The following NUMB variants were observed in gnomAD, a reference collection of about 807,000 sequenced individuals.
NUMB encodes the protein protein numb homolog.
In NUMB, 29 loss-of-function variants were observed where a neutral mutation model predicts 59.7. That is an observed-to-expected ratio of 0.49 (90% CI 0.36 to 0.66). NUMB has a LOEUF of 0.66. Among genes scored for constraint, NUMB ranks in the 30% least tolerant of loss-of-function variants. NUMB has a pLI of 0.00. For missense variants in NUMB, 723 were observed against 822.0 expected (o/e 0.88, Z 1.47); for synonymous variants, 288 against 288.2 (o/e 1.00, Z 0.01).
chr14:73,276,700 G>T lies in NUMB; in HGVS notation c.1834C>A (p.Pro612Thr). The change falls in exon 13 of 13, where the codon CCA (proline) becomes ACA (threonine). Residue 612 changes from proline to threonine, a missense_variant. Physicochemically the swap from Pro to Thr is conservative, Grantham distance 38. This residue lies in a region of NUMB where 406 missense variants were observed against 385.4 expected (regional missense o/e 1.05). Transcript: ENST00000555238. Reference sequence around the variant, plus strand: ...CACTGGGCTTCAAAAGGATCCACTGGGCAGGTGCCTGTAGGAACCTCTGTA... The same window carrying T: ...CACTGGGCTTCAAAAGGATCCACTGTGCAGGTGCCTGTAGGAACCTCTGTA... ...RHTEVPTGTC[P>T]VDPFEAQWAA... 6.2e-7 allele frequency: 1 copy of T among 1,614,158 alleles called. No individual in the cohort carries two copies. Among genetic ancestry groups the T allele is most frequent in the South Asian group, 1.1e-5 (1 of 91,082 alleles).
At chr14:73,430,545 G>C (rs1399651056) in intron 1 of NUMB, among the ~76,000 whole-genome samples, 1 of 151,966 alleles carries the variant, frequency 6.6e-6, no homozygotes, top group African/African-American at 2.4e-5. Flanking sequence ...GAGGTGGAAG[G>C]ATCACTTGAG....
At chr14:73,292,896 G>C (rs1370568829) in intron 7 of NUMB, 22 bp from the exon 8 acceptor site, 1 of 1,612,822 alleles carries the variant, frequency 6.2e-7, no homozygotes, top group South Asian at 1.1e-5. Flanking sequence ...GACACACAAA[G>C]AAAGAGAAGA....
At chr14:73,347,722 C>A (rs1345131517) in intron 4 of NUMB, among the ~76,000 whole-genome samples, 4 of 152,194 alleles carry the variant, frequency 2.6e-5, no homozygotes, top group Non-Finnish European at 1.5e-5. Flanking sequence ...GGTTTCCCTT[C>A]GATCTCTTTG....
In NUMB at chr14:73,292,827, T is replaced by C. The variant is rs1889482983; in HGVS notation, c.357A>G (p.Pro119=). The part of the protein sequence containing the change: ...QTIEKVSFCA[P]DRNFDRAFSY... Reference sequence around the variant, plus strand: ...AAAAGGCTCTATCAAAGTTCCTGTCTGGGGCACAGAAAGAAACTTTCTCTA... The same window carrying C: ...AAAAGGCTCTATCAAAGTTCCTGTCCGGGGCACAGAAAGAAACTTTCTCTA... The change falls in exon 8 of 13, where the codon CCA becomes CCG. Residue 119 remains proline (P), a synonymous_variant. Transcript: ENST00000555238. 6.2e-7 allele frequency: 1 copy of C among 1,614,230 alleles called. No homozygotes were observed. The highest frequency in any genetic ancestry group is 8.5e-7 in the Non-Finnish European group (1 of 1,180,032).
chr14:73,372,124 T>C (rs1035337570), intron 2 of NUMB, among the ~76,000 whole-genome samples: 30 of 149,006 alleles, frequency 2.0e-4, no homozygotes, highest in Admixed American at 6.6e-4. Context: ...TCTCAACTAC[T>C]TGGGAAGCTG....
At chr14:73,371,978 T>C (rs1894694359) in intron 2 of NUMB, among the ~76,000 whole-genome samples, 1 of 151,996 alleles carries the variant, frequency 6.6e-6, no homozygotes, top group Non-Finnish European at 1.5e-5. Context: ...ACGTCTGTAA[T>C]CCCAGGACTT....
intron 2 of NUMB, among the ~76,000 whole-genome samples, chr14:73,377,192 T>C (rs1234169731): frequency 2.0e-5 from 3 of 152,168 alleles, no homozygotes; most frequent in African/African-American, 7.2e-5. Context: ...TTTTAAAATA[T>C]ACACCAAAGG....
At position 73,438,327 on chromosome 14, in the gene NUMB, C is replaced by T. The variant is rs558628941; in HGVS notation, c.-233+20166G>A. Reference sequence around the variant, plus strand: ...ATATATCCATTAGTGGAATATTCTTCAGCTGTTTTAAAATGTTTTCTGGCT... The same window carrying T: ...ATATATCCATTAGTGGAATATTCTTTAGCTGTTTTAAAATGTTTTCTGGCT... On this transcript the variant is annotated intron_variant, in intron 1 of 12. Transcript: ENST00000555238. Among the ~76,000 whole-genome samples, 7 of 152,194 alleles carry T rather than the reference C, an allele frequency of 4.6e-5. No homozygotes were observed. The East Asian group carries it at 7.7e-4, about 17-fold the overall frequency.
chr14:73,398,386 C>G (rs996333544), intron 2 of NUMB, among the ~76,000 whole-genome samples: 1 of 73,938 alleles, frequency 1.4e-5, no homozygotes. Flanking sequence ...GAGAGAGAGA[C>G]ACACACAGAG....
At chr14:73,430,475 G>GT (rs1304273869) in intron 1 of NUMB, among the ~76,000 whole-genome samples, 1 of 151,874 alleles carries the variant, frequency 6.6e-6, no homozygotes, top group East Asian at 1.9e-4. Context: ...TATAAAAAAG[G>GT]TTTTTTTAAT....
intron 8 of NUMB, among the ~76,000 whole-genome samples, chr14:73,292,346 A>G (rs543089724): frequency 6.6e-6 from 1 of 152,346 alleles, no homozygotes; most frequent in African/African-American, 2.4e-5. Flanking sequence ...AGGCCCAGCC[A>G]ACTTCTTTCA....
intron 1 of NUMB, among the ~76,000 whole-genome samples, chr14:73,414,644 C>T (rs1488213170): frequency 6.6e-6 from 1 of 152,306 alleles, no homozygotes; most frequent in East Asian, 1.9e-4. Context: ...TTCTCAGCCT[C>T]CCAATTTGCT....
At chr14:73,345,969 C>A (rs1284877224) in intron 4 of NUMB, among the ~76,000 whole-genome samples, 2 of 151,988 alleles carry the variant, frequency 1.3e-5, no homozygotes, top group Non-Finnish European at 2.9e-5. Flanking sequence ...AAATAATTAA[C>A]TCCATTGTGT....
chr14:73,295,113 A>C (rs1439313094), intron 7 of NUMB, among the ~76,000 whole-genome samples: 1 of 150,288 alleles, frequency 6.7e-6, no homozygotes, highest in African/African-American at 2.4e-5. Context: ...CAAGATAGAC[A>C]TGAGTTGAGA....
At chr14:73,431,600 T>C (rs193151703) in intron 1 of NUMB, among the ~76,000 whole-genome samples, 11 of 151,444 alleles carry the variant, frequency 7.3e-5, no homozygotes, top group Non-Finnish European at 1.6e-4. Flanking sequence ...AATACAAAAA[T>C]TAGGCGGGCA....
chr14:73,329,644 T>C (rs1891851118), intron 4 of NUMB, among the ~76,000 whole-genome samples: 1 of 152,182 alleles, frequency 6.6e-6, no homozygotes, highest in Admixed American at 6.5e-5. Flanking sequence ...AAGTAGGATT[T>C]TAGGAGTTTC....
intron 1 of NUMB, among the ~76,000 whole-genome samples, chr14:73,421,553 C>T (rs985318245): frequency 1.9e-4 from 29 of 151,860 alleles, no homozygotes; most frequent in Admixed American, 1.4e-3. Context: ...CATATTATTA[C>T]GGAAATAGAC....
intron 6 of NUMB, among the ~76,000 whole-genome samples, chr14:73,305,298 T>C (rs898928059): frequency 1.3e-5 from 2 of 152,184 alleles, no homozygotes; most frequent in African/African-American, 4.8e-5. Context: ...TTGCGACATC[T>C]GATACAATCA....
At chr14:73,352,081 C>T (rs900144506) in intron 4 of NUMB, among the ~76,000 whole-genome samples, 24 of 151,922 alleles carry the variant, frequency 1.6e-4, no homozygotes, top group Admixed American at 7.9e-4. Flanking sequence ...AAAGAACACA[C>T]GATTTAATGG....
Sources: allele counts gnomAD v4.1 joint callset (sites outside exome capture counted in the v4.1 genomes callset), GRCh38; gene constraint gnomAD v4.1.1; regional missense constraint gnomAD v4.1.1; transcripts MANE v1.5; gene names NCBI Gene and HGNC (gene_info 2026-07-23, HGNC 2026-07-21).